The following AUTS2 variants were observed in gnomAD, a reference collection of about 807,000 sequenced individuals.
AUTS2 encodes the protein autism susceptibility gene 2 protein.
Under a neutral mutation model 112.4 loss-of-function variants are expected in AUTS2, and 17 were observed. That is an observed-to-expected ratio of 0.15 (90% CI 0.10 to 0.23). AUTS2 has a LOEUF of 0.23. Among genes scored for constraint, AUTS2 ranks in the 10% least tolerant of loss-of-function variants. AUTS2 has a pLI of 1.00. For missense variants in AUTS2, 1,510 were observed against 1,701.6 expected (o/e 0.89, Z 1.98); for synonymous variants, 751 against 702.7 (o/e 1.07, Z -1.09).
chr7:69,615,241 G>A (rs1204573538), intron 1 of AUTS2, among the ~76,000 whole-genome samples: 1 of 152,158 alleles, frequency 6.6e-6, no homozygotes, highest in African/African-American at 2.4e-5. Context: ...TCAGGGATGG[G>A]TGTCAGTTTC....
chr7:70,438,305 C>T (rs894529942), intron 5 of AUTS2, among the ~76,000 whole-genome samples: 2 of 152,108 alleles, frequency 1.3e-5, no homozygotes, highest in South Asian at 2.1e-4. Context: ...GGTAATAAAG[C>T]GGATACATAG....
intron 4 of AUTS2, among the ~76,000 whole-genome samples, chr7:70,266,730 T>A (rs576407938): frequency 1.4e-4 from 21 of 152,170 alleles, no homozygotes; most frequent in African/African-American, 5.1e-4. Context: ...TAAAGCTGTT[T>A]AAAAAAAACC....
At chr7:69,603,322 T>C (rs1052216745) in intron 1 of AUTS2, among the ~76,000 whole-genome samples, 1 of 152,228 alleles carries the variant, frequency 6.6e-6, no homozygotes, top group Non-Finnish European at 1.5e-5. Context: ...TTTGGACTTC[T>C]CTTTTAAAAA....
intron 2 of AUTS2, among the ~76,000 whole-genome samples, chr7:70,046,263 T>G (rs1311079965): frequency 1.3e-5 from 2 of 152,160 alleles, no homozygotes; most frequent in East Asian, 3.9e-4. Flanking sequence ...GCTTGGTTGT[T>G]TACTGTCTGT....
rs115349450 is a variant in AUTS2, at chr7:69,601,555, A to G, written c.309+1593A>G. On this transcript the variant is annotated intron_variant, in intron 1 of 18. Transcript: ENST00000342771. ...GCCAGTGGTTGGGAGTAAGGGAGGT[A>G]TTGGTGGTGGTGGTGGTGGTGCAGG... Among the ~76,000 whole-genome samples the G allele has an allele frequency of 6.4e-3, 967 of 150,932 alleles. 7 individuals are homozygous for G. The highest frequency in any genetic ancestry group is 0.022 in the African/African-American group (899 of 41,096).
At chr7:69,946,344 A>G (rs1378546750) in intron 2 of AUTS2, among the ~76,000 whole-genome samples, 1 of 152,144 alleles carries the variant, frequency 6.6e-6, no homozygotes, top group East Asian at 1.9e-4. Context: ...ATTATGGAGA[A>G]CCGTGTAGAA....
At chr7:70,599,482 T>C (rs1300717705) in intron 5 of AUTS2, among the ~76,000 whole-genome samples, 1 of 152,182 alleles carries the variant, frequency 6.6e-6, no homozygotes, top group Admixed American at 6.5e-5. Context: ...TCAGCAGCAT[T>C]GGTATCACCA....
At position 70,764,841 on chromosome 7, in the gene AUTS2, T is replaced by G; in HGVS notation, c.1304T>G (p.Leu435Arg). ...HPSASPFPLS[L>R]PNHSPLHSFT... ...TCTGCCTCCCCGTTCCCCCTCTCCCTGCCCAACCACAGCCCCCTGCACAGC... is the reference window on the plus strand; with the variant it reads ...TCTGCCTCCCCGTTCCCCCTCTCCCGGCCCAACCACAGCCCCCTGCACAGC... The change falls in exon 8 of 19, where the codon CTG becomes CGG. Residue 435 changes from leucine (L) to arginine (R), a missense_variant. This residue lies in a region of AUTS2 where 535 missense variants were observed against 594.3 expected (regional missense o/e 0.90). Transcript: ENST00000342771. 1 of 436,528 alleles carries G rather than the reference T, an allele frequency of 2.3e-6. No homozygotes were observed. Among genetic ancestry groups the G allele is most frequent in the Non-Finnish European group, 3.3e-6 (1 of 298,596 alleles). 27.0% of individuals were successfully genotyped at this position (436,528 alleles called of 1,614,324 possible). A position where few individuals can be genotyped will look rare whatever the true frequency, so the allele number is the denominator to read the frequency against.
At chr7:70,153,418 C>T (rs970382177) in intron 4 of AUTS2, among the ~76,000 whole-genome samples, 3 of 152,034 alleles carry the variant, frequency 2.0e-5, no homozygotes, top group African/African-American at 7.2e-5. Flanking sequence ...CTTGGAGAGG[C>T]AGGCACAGAA....
At position 70,766,465 on chromosome 7, in the gene AUTS2, A is replaced by G; in HGVS notation, c.1689+131A>G. 1 of 1,212,112 alleles carries G rather than the reference A, an allele frequency of 8.3e-7. No homozygotes were observed. The highest frequency in any genetic ancestry group is 1.2e-6 in the Non-Finnish European group (1 of 850,508). The allele number at this position is 1,212,112 out of a possible 1,614,324, so 75.1% of individuals were successfully genotyped here. A position where few individuals can be genotyped will look rare whatever the true frequency, so the allele number is the denominator to read the frequency against. On this transcript the variant is annotated intron_variant, in intron 9 of 18. Transcript: ENST00000342771. This position sits in a 1 kb window ranked among gnomAD's most constrained non-coding sequence, Gnocchi z 4.8. ...GACTGACGGCTGTTGGCTGGAGAGAAGGGAATGTGTCCTAGTGCCCTGCCT... is the reference window on the plus strand; with the variant it reads ...GACTGACGGCTGTTGGCTGGAGAGAGGGGAATGTGTCCTAGTGCCCTGCCT...
chr7:70,759,513 C>T (rs1404784275), intron 6 of AUTS2, among the ~76,000 whole-genome samples: 1 of 152,152 alleles, frequency 6.6e-6, no homozygotes, highest in African/African-American at 2.4e-5. Context: ...AAAGGAGTGC[C>T]GTACAGATTT....
intron 5 of AUTS2, among the ~76,000 whole-genome samples, chr7:70,662,154 G>A (rs1181441876): frequency 1.3e-5 from 2 of 152,260 alleles, no homozygotes; most frequent in African/African-American, 2.4e-5. Flanking sequence ...AGTTGGCCCC[G>A]AGTGGGAAGC....
At chr7:70,622,008 G>C (rs71549371) in intron 5 of AUTS2, among the ~76,000 whole-genome samples, 1 of 151,644 alleles carries the variant, frequency 6.6e-6, no homozygotes, top group African/African-American at 2.4e-5. Flanking sequence ...CACGACACCC[G>C]GCTAATTGGT....
chr7:70,208,343 CTA>C (rs1172625063), intron 4 of AUTS2, among the ~76,000 whole-genome samples: 6 of 152,276 alleles, frequency 3.9e-5, no homozygotes, highest in African/African-American at 1.2e-4. Context: ...CATGACATCA[CTA>C]TGTTATTAAA....
intron 1 of AUTS2, among the ~76,000 whole-genome samples, chr7:69,758,421 A>G (rs1405493686): frequency 6.6e-6 from 1 of 152,208 alleles, no homozygotes; most frequent in Non-Finnish European, 1.5e-5. Context: ...TATTAAGTGA[A>G]TCAGGGATAA....
intron 5 of AUTS2, among the ~76,000 whole-genome samples, chr7:70,577,621 A>G (rs1410030819): frequency 6.6e-6 from 1 of 152,224 alleles, no homozygotes; most frequent in East Asian, 1.9e-4. Context: ...GGGTTGATCA[A>G]CAAGGTTGAT....
chr7:70,676,050 G>A (rs376388262), intron 5 of AUTS2, among the ~76,000 whole-genome samples: 33 of 152,262 alleles, frequency 2.2e-4, no homozygotes, highest in African/African-American at 6.0e-4. Context: ...CACATCTCAC[G>A]AACGAAATGG....
At chr7:70,027,440 A>G (rs912919222) in intron 2 of AUTS2, among the ~76,000 whole-genome samples, 19 of 152,170 alleles carry the variant, frequency 1.2e-4, no homozygotes, top group African/African-American at 4.6e-4. Flanking sequence ...GTTTGCCTCC[A>G]TTACTAAGTC....
intron 6 of AUTS2, among the ~76,000 whole-genome samples, chr7:70,740,191 A>G (rs1293982494): frequency 1.3e-5 from 2 of 152,212 alleles, no homozygotes; most frequent in African/African-American, 4.8e-5. Context: ...GGTTACTGCA[A>G]AGTGAATCCA....
Sources: allele counts gnomAD v4.1 joint callset (sites outside exome capture counted in the v4.1 genomes callset), GRCh38; gene constraint gnomAD v4.1.1; regional missense constraint gnomAD v4.1.1; non-coding constraint Gnocchi (gnomAD v3.1); transcripts MANE v1.5; gene names NCBI Gene and HGNC (gene_info 2026-07-23, HGNC 2026-07-21).